Variants in FAM227A observed in about 807,000 individuals in gnomAD.
FAM227A encodes the protein family with sequence similarity 227 member A, also known as protein FAM227A.
FAM227A carries 80 observed loss-of-function variants against 74.7 expected under a neutral mutation model. The ratio of observed to expected loss-of-function variants is 1.07; its 90% CI spans 0.89 to 1.29. The LOEUF (loss-of-function observed/expected upper bound fraction) is 1.29. Among genes scored for constraint, FAM227A ranks in the 50% most tolerant of loss-of-function variants. The pLI, the probability that FAM227A is intolerant of heterozygous loss-of-function variation, is 0.00. For missense variants in FAM227A, 654 were observed against 683.4 expected (o/e 0.96, Z 0.48); for synonymous variants, 237 against 241.8 (o/e 0.98, Z 0.19).
At chr22:38,651,176 G>A (rs185751811) in intron 1 of FAM227A, among the ~76,000 whole-genome samples, 1 of 152,204 alleles carries the variant, frequency 6.6e-6, no homozygotes, top group Admixed American at 6.5e-5. Flanking sequence ...ACTACGCCCA[G>A]GTGACATATC....
At chr22:38,630,816 G>A (rs1431220153) in intron 6 of FAM227A, among the ~76,000 whole-genome samples, 2 of 152,134 alleles carry the variant, frequency 1.3e-5, no homozygotes, top group Non-Finnish European at 2.9e-5. Flanking sequence ...AGGGGGATGT[G>A]GAGCCCAGAG....
intron 8 of FAM227A, among the ~76,000 whole-genome samples, chr22:38,626,752 T>C (rs919792783): frequency 1.4e-5 from 2 of 147,902 alleles, no homozygotes; most frequent in African/African-American, 5.0e-5. Flanking sequence ...TGCATGCCTG[T>C]AATCCCATTT....
chr22:38,625,139 C>A (rs190396964), intron 9 of FAM227A, among the ~76,000 whole-genome samples: 447 of 152,178 alleles, frequency 2.9e-3, no homozygotes, highest in Non-Finnish European at 4.3e-3. Flanking sequence ...CCTGTAATCC[C>A]AGCACTTTGG....
chr22:38,590,319 A>C (rs2089787272), intron 16 of FAM227A, among the ~76,000 whole-genome samples: 1 of 151,718 alleles, frequency 6.6e-6, no homozygotes, highest in African/African-American at 2.4e-5. Context: ...TTGGATATGC[A>C]AAGACTCAAA....
intron 11 of FAM227A, among the ~76,000 whole-genome samples, chr22:38,613,424 T>TATATAATATATAATATATATTATATA (rs71197123): frequency 3.5e-5 from 4 of 113,528 alleles, no homozygotes; most frequent in South Asian, 2.4e-4. Flanking sequence ...ATATATATAA[T>TATATAATATATAATATATATTATATA]TTGTTTGTTT....
At chr22:38,596,704 T>C (rs1233085805) in intron 15 of FAM227A, among the ~76,000 whole-genome samples, 1 of 152,226 alleles carries the variant, frequency 6.6e-6, no homozygotes, top group East Asian at 1.9e-4. Context: ...ACTATCCTGA[T>C]GGACAGTTCA....
intron 8 of FAM227A, among the ~76,000 whole-genome samples, chr22:38,626,749 C>T (rs1453973030): frequency 6.7e-6 from 1 of 148,330 alleles, no homozygotes; most frequent in African/African-American, 2.5e-5. Context: ...TGGTGCATGC[C>T]TGTAATCCCA....
rs1463647494 is a variant in FAM227A, at chr22:38,620,295, T to C, written c.959-4A>G. 3 of 1,548,226 alleles carry C rather than the reference T, an allele frequency of 1.9e-6. No homozygotes were observed. Among genetic ancestry groups the C allele is most frequent in the South Asian group, 2.4e-5 (2 of 84,012 alleles). On this transcript the variant is annotated splice_region_variant and splice_polypyrimidine_tract_variant and intron_variant, in intron 10 of 16. Coordinates refer to ENST00000535113, the MANE Select transcript of FAM227A (RefSeq NM_001013647.2). ...GCAAACAAAGAAAACTCTCTCCCTA[T>C]AGAAGGGGAAAAGCTGTTATTAATT...
At chr22:38,636,628 G>T (rs1305492259) in intron 5 of FAM227A, 31 bp from the exon 6 acceptor site, 2 of 1,544,902 alleles carry the variant, frequency 1.3e-6, no homozygotes, top group Admixed American at 2.0e-5. Flanking sequence ...ATGAAAATGG[G>T]GTTCACATTT....
At position 38,582,375 on chromosome 22, in the gene FAM227A, T is replaced by C. The variant is rs1483979570; in HGVS notation, c.*3750A>G. The C allele has an allele frequency of 6.4e-7, 1 of 1,550,532 alleles. No individual in the cohort carries two copies. Among genetic ancestry groups the C allele is most frequent in the African/African-American group, 1.4e-5 (1 of 73,022 alleles). ...TAACATCTGAATTTATCTTCTTCCA[T>C]GCTGAGAGTATGGGTTTTCAGCAAC... On this transcript the variant is annotated 3_prime_UTR_variant, in exon 17 of 17. Transcript: ENST00000535113.
chr22:38,594,446 C>A (rs929891993), intron 15 of FAM227A, among the ~76,000 whole-genome samples: 2 of 152,200 alleles, frequency 1.3e-5, no homozygotes, highest in Non-Finnish European at 2.9e-5. Context: ...GTCTTATAAC[C>A]TACACTTCGG....
intron 16 of FAM227A, among the ~76,000 whole-genome samples, chr22:38,590,188 G>A (rs1286079898): frequency 2.0e-5 from 3 of 150,746 alleles, no homozygotes; most frequent in African/African-American, 7.3e-5. Context: ...GCTGAGGCAG[G>A]AGAACTGCTT....
intron 12 of FAM227A, 145 bp from the exon 13 acceptor site, chr22:38,605,493 T>C: frequency 1.7e-6 from 1 of 603,188 alleles, no homozygotes; most frequent in East Asian, 2.8e-5. Context: ...TTTCGCCATG[T>C]TGACCAAGCT....
intron 7 of FAM227A, among the ~76,000 whole-genome samples, 194 bp from the exon 8 acceptor site, chr22:38,628,536 C>T (rs192439429): frequency 2.0e-3 from 304 of 152,242 alleles, no homozygotes; most frequent in Middle Eastern, 0.014. Flanking sequence ...AGAGGCAGAG[C>T]GCTGTTGAAG....
Position 38,580,933 on chromosome 22 carries a change from C to T in FAM227A, c.*5192G>A, listed in dbSNP as rs2090701517. ...AGCTAGGATTCCAGGCATGCACCAC[C>T]ACGCCTGGCTGATTTTTGTATTTTT... is the stretch of plus-strand genomic sequence containing the variant. On this transcript the variant is annotated 3_prime_UTR_variant, in exon 17 of 17. Transcript: ENST00000535113. The T allele has an allele frequency of 6.6e-6, 1 of 152,196 alleles. No individual in the cohort carries two copies. Among genetic ancestry groups the T allele is most frequent in the South Asian group, 2.1e-4 (1 of 4,824 alleles). The allele number at this position is 152,196 out of a possible 1,614,324, so 9.4% of individuals were successfully genotyped here. A position where few individuals can be genotyped will look rare whatever the true frequency, so the allele number is the denominator to read the frequency against.
At chr22:38,609,835 G>C (rs1005161889) in intron 11 of FAM227A, among the ~76,000 whole-genome samples, 1 of 150,476 alleles carries the variant, frequency 6.6e-6, no homozygotes, top group Non-Finnish European at 1.5e-5. Flanking sequence ...GCAAGGGCGC[G>C]ATCTCAGCTC....
intron 15 of FAM227A, among the ~76,000 whole-genome samples, chr22:38,593,332 G>A (rs1329554287): frequency 6.6e-6 from 1 of 152,042 alleles, no homozygotes; most frequent in African/African-American, 2.4e-5. Flanking sequence ...GTGAAACCCC[G>A]TCTCTACTAA....
intron 10 of FAM227A, among the ~76,000 whole-genome samples, chr22:38,621,356 A>T (rs1472513935): frequency 1.3e-5 from 2 of 151,444 alleles, no homozygotes; most frequent in African/African-American, 4.9e-5. Context: ...TCTCAAAAAA[A>T]AAAAAAAGAA....
intron 11 of FAM227A, among the ~76,000 whole-genome samples, chr22:38,612,526 T>C (rs1195812824): frequency 2.0e-5 from 3 of 152,184 alleles, no homozygotes; most frequent in Non-Finnish European, 2.9e-5. Flanking sequence ...TCTGGGGTCA[T>C]TACTTGTTAC....
Sources: gnomAD v4.1 joint callset for allele counts (sites outside exome capture counted in the v4.1 genomes callset) on GRCh38, gnomAD v4.1.1 for gene constraint, MANE v1.5 for transcripts, NCBI Gene and HGNC (gene_info 2026-07-23, HGNC 2026-07-21) for gene names.